Variants in AFDN observed in about 807,000 individuals in gnomAD.
The protein encoded by AFDN is afadin.
In AFDN, 68 loss-of-function variants were observed where a neutral mutation model predicts 216.6. The ratio of observed to expected loss-of-function variants is 0.31; its 90% CI spans 0.26 to 0.38. AFDN has a LOEUF of 0.38. Ranked by LOEUF, AFDN falls within the 10% of genes least tolerant of loss-of-function variation. The pLI is 1.00. For missense variants in AFDN, 2,136 were observed against 2,342.0 expected, an observed-to-expected ratio of 0.91 and a Z score of 1.82; for synonymous variants, 868 against 853.7, an observed-to-expected ratio of 1.02 and a Z score of -0.29.
intron 30 of AFDN, among the ~76,000 whole-genome samples, chr6:167,958,193 A>G (rs1796706802): frequency 6.6e-6 from 1 of 152,246 alleles, no homozygotes; most frequent in Non-Finnish European, 1.5e-5. Context: ...CTATATATAT[A>G]GTGTATATGA....
chr6:167,969,483 T>C (rs1462392283), intron 33 of AFDN, among the ~76,000 whole-genome samples: 3 of 152,180 alleles, frequency 2.0e-5, no homozygotes, highest in Non-Finnish European at 4.4e-5. Flanking sequence ...TTTAAAACTG[T>C]ACCCCTCAGG....
chr6:167,849,478 G>A (rs890941169), intron 1 of AFDN, among the ~76,000 whole-genome samples: 2 of 151,970 alleles, frequency 1.3e-5, no homozygotes, highest in Non-Finnish European at 2.9e-5. Flanking sequence ...TTTGAACAGT[G>A]TAATGTTATA....
chr6:167,913,969 A>C (rs1019749310), intron 16 of AFDN, 199 bp from the exon 17 acceptor site: 6 of 558,068 alleles, frequency 1.1e-5, no homozygotes, highest in Non-Finnish European at 1.9e-5. Context: ...AATCCTAAGA[A>C]ATAGTTGCAG....
At chr6:167,909,795 T>A (rs1430439640) in intron 13 of AFDN, among the ~76,000 whole-genome samples, 2 of 152,220 alleles carry the variant, frequency 1.3e-5, no homozygotes, top group Admixed American at 1.3e-4. Context: ...TTTCATTAAG[T>A]TTGCGGAAGG....
chr6:167,970,185 A>G lies in AFDN; in HGVS notation c.*250A>G. 1 of 409,226 alleles carries G rather than the reference A, an allele frequency of 2.4e-6. No individual in the cohort carries two copies. The highest frequency in any genetic ancestry group is 3.6e-5 in the South Asian group (1 of 28,160). The allele number at this position is 409,226 out of a possible 1,614,324, so 25.3% of individuals were successfully genotyped here. Reference sequence around the variant, plus strand: ...TAATTATCTAACTCACACGAGGGTAAGTTTTTTGTTGGTTTCTTTTTTGGA... The same window carrying G: ...TAATTATCTAACTCACACGAGGGTAGGTTTTTTGTTGGTTTCTTTTTTGGA... On this transcript the variant is annotated 3_prime_UTR_variant, in exon 34 of 34. Transcript: ENST00000683244.
chr6:167,945,315 C>T (rs1795138222), intron 26 of AFDN, among the ~76,000 whole-genome samples: 1 of 152,188 alleles, frequency 6.6e-6, no homozygotes, highest in African/African-American at 2.4e-5. Context: ...GGGGCAGTGA[C>T]ATGCCATGGA....
intron 1 of AFDN, among the ~76,000 whole-genome samples, chr6:167,849,699 C>G (rs996402883): frequency 3.3e-5 from 5 of 152,142 alleles, no homozygotes; most frequent in Admixed American, 1.3e-4. Context: ...AGAAGATTCT[C>G]AAAAACAGGA....
intron 2 of AFDN, among the ~76,000 whole-genome samples, chr6:167,865,573 A>G (rs1156989670): frequency 6.6e-6 from 1 of 152,222 alleles, no homozygotes; most frequent in Non-Finnish European, 1.5e-5. Context: ...GGATCGTGCC[A>G]CTGCACTCCA....
chr6:167,904,081 A>C (rs576287011), intron 12 of AFDN, among the ~76,000 whole-genome samples: 2 of 152,170 alleles, frequency 1.3e-5, no homozygotes, highest in African/African-American at 4.8e-5. Context: ...TAGGGCACCA[A>C]TCTGTTTTCT....
At chr6:167,950,581 C>A (rs1428025872) in intron 29 of AFDN, among the ~76,000 whole-genome samples, 1 of 152,158 alleles carries the variant, frequency 6.6e-6, no homozygotes, top group African/African-American at 2.4e-5. Context: ...CTCTGTCAGC[C>A]CAGAAAGCCA....
rs554696575 is a variant in AFDN, at chr6:167,952,185, A to C, written c.4831A>C (p.Arg1611=). 2 of 1,614,020 alleles carry C rather than the reference A, an allele frequency of 1.2e-6. No homozygotes were observed. The highest frequency in any genetic ancestry group is 1.3e-5 in the African/African-American group (1 of 75,018). Residue 1611 remains arginine (R), a splice_region_variant and synonymous_variant, in exon 30 of 34, where the codon AGG becomes CGG. Transcript: ENST00000683244. ...GCGCCTGGAGGCTGAACGAAGAGCGAGGGTAAAGGGGGGAGTGCTTTGGCT... is the reference window on the plus strand; with the variant it reads ...GCGCCTGGAGGCTGAACGAAGAGCGCGGGTAAAGGGGGGAGTGCTTTGGCT... The part of the protein sequence containing the change: ...MQRLEAERRA[R]LQDEERRRQQ...
rs1423852560 is a variant in AFDN, at chr6:167,859,778, G to GT, written c.106-4771dup. ...CACAATGTAGCTTGGTTTTGTTATTGTTGTTTTTTTTTTTTTAGTTTTGGA... is the reference window on the plus strand; with the variant it reads ...CACAATGTAGCTTGGTTTTGTTATTGTTTGTTTTTTTTTTTTTAGTTTTGGA... On this transcript the variant is annotated intron_variant, in intron 1 of 33. Transcript: ENST00000683244. Among the ~76,000 whole-genome samples, 4 of 72,240 alleles carry GT rather than the reference G, an allele frequency of 5.5e-5. No individual in the cohort carries two copies. In the East Asian group the frequency reaches 3.8e-3, roughly 68 times the overall value. 47.4% of individuals were successfully genotyped at this position (72,240 alleles called of 152,430 possible). A position where few individuals can be genotyped will look rare whatever the true frequency, so the allele number is the denominator to read the frequency against.
Position 167,875,514 on chromosome 6 carries a change from T to G in AFDN, c.739+19T>G, listed in dbSNP as rs758370665. 5.0e-5 allele frequency: 80 copies of G among 1,612,138 alleles called. No individual in the cohort carries two copies. The highest frequency in any genetic ancestry group is 3.3e-4 in the Admixed American group (20 of 59,814). ...GATTCAGGTACAACTTGGTATTTTT[T>G]CTCTGTTCTACCTGTTACAAAGAGC... On this transcript the variant is annotated intron_variant, in intron 5 of 33. Transcript: ENST00000683244.
chr6:167,834,640 CTTACT>C lies in AFDN; in HGVS notation c.105+7407_105+7411del, dbSNP rs1048448467. Among the ~76,000 whole-genome samples the C allele has an allele frequency of 3.3e-5, 5 of 151,978 alleles. No homozygotes were observed. In the South Asian group the frequency reaches 8.3e-4, roughly 25 times the overall value. On this transcript the variant is annotated intron_variant, in intron 1 of 33. Transcript: ENST00000683244. ...GTTGTGTCAAGGATTCTAGTTTGAACTTACTTTATTTTCATTTCTGCTGTCCTCCT... is the reference window on the plus strand; with the variant it reads ...GTTGTGTCAAGGATTCTAGTTTGAACTTATTTTCATTTCTGCTGTCCTCCT...
chr6:167,938,596 A>G (rs1378623268), intron 23 of AFDN, among the ~76,000 whole-genome samples: 1 of 152,164 alleles, frequency 6.6e-6, no homozygotes, highest in African/African-American at 2.4e-5. Context: ...TAGGCATTAA[A>G]TTTTCTATTG....
In AFDN at chr6:167,970,907, CAAGG is replaced by C. The variant is rs916334784; in HGVS notation, c.*979_*982del. 9 of 213,496 alleles carry C rather than the reference CAAGG, an allele frequency of 4.2e-5. No individual in the cohort carries two copies. The highest frequency in any genetic ancestry group is 1.6e-4 in the African/African-American group (7 of 44,130). The allele number at this position is 213,496 out of a possible 1,614,324, so 13.2% of individuals were successfully genotyped here. On this transcript the variant is annotated 3_prime_UTR_variant, in exon 34 of 34. Transcript: ENST00000683244. ...AAATCGATTTTCATCTGTATGCCGTCAAGGAAGGAATTCAGTTACAGGGCATCTG... is the reference window on the plus strand; with the variant it reads ...AAATCGATTTTCATCTGTATGCCGTCAAGGAATTCAGTTACAGGGCATCTG...
At chr6:167,902,826 C>T (rs1284015924) in intron 12 of AFDN, among the ~76,000 whole-genome samples, 1 of 152,170 alleles carries the variant, frequency 6.6e-6, no homozygotes, top group Non-Finnish European at 1.5e-5. Flanking sequence ...GTAATAGGTG[C>T]ACTTATAAAA....
intron 31 of AFDN, chr6:167,965,113 A>C (rs1266719408): frequency 2.8e-5 from 28 of 996,454 alleles, no homozygotes; most frequent in Non-Finnish European, 3.3e-5. Flanking sequence ...TATGGAAAGC[A>C]TATTTGTTAG....
Position 167,880,392 on chromosome 6 carries a change from A to G in AFDN, c.772A>G (p.Lys258Glu). Residue 258 changes from lysine (K) to glutamate (E), a missense_variant, in exon 6 of 34, where the codon AAA becomes GAA. Around this residue, in one of 8 missense-constraint regions of AFDN, gnomAD observed 817 missense variants for 965.7 expected, o/e 0.85. Coordinates refer to ENST00000683244, the MANE Select transcript of AFDN (RefSeq NM_001386888.1). ...GTLRIYADSL[K>E]PNIPYKTILL... ...ATTGAGAATTTATGCAGATAGTTTA[A>G]AACCAAATATTCCCTACAAGACAAT... 6.2e-7 allele frequency: 1 copy of G among 1,613,360 alleles called. No homozygotes were observed. Among genetic ancestry groups the G allele is most frequent in the Non-Finnish European group, 8.5e-7 (1 of 1,179,668 alleles).
Sources: gnomAD v4.1 joint callset for allele counts (sites outside exome capture counted in the v4.1 genomes callset) on GRCh38, gnomAD v4.1.1 for gene constraint, gnomAD v4.1.1 regional missense constraint, MANE v1.5 for transcripts, NCBI Gene and HGNC (gene_info 2026-07-23, HGNC 2026-07-21) for gene names.